Variants in SUN5 observed in about 807,000 individuals in gnomAD.
The protein encoded by SUN5 is SUN domain-containing protein 5.
A neutral mutation model predicts 53.7 loss-of-function variants in SUN5; 44 were observed. The observed-to-expected ratio is 0.82, with a 90% CI of 0.64 to 1.05. The LOEUF is 1.05. Ranked by LOEUF, SUN5 falls within the 50% of genes least tolerant of loss-of-function variation. The pLI, the probability that SUN5 is intolerant of heterozygous loss-of-function variation, is 0.00. For missense variants in SUN5, 433 were observed against 483.8 expected (o/e 0.90, Z 0.98); for synonymous variants, 166 against 179.8 (o/e 0.92, Z 0.62).
At chr20:32,985,071 C>G in intron 12 of SUN5, 28 bp downstream of exon 12, 1 of 1,609,324 alleles carries the variant, frequency 6.2e-7, no homozygotes, top group Non-Finnish European at 8.5e-7. Context: ...TCAGCAGGTG[C>G]TCAGCACAGG....
intron 8 of SUN5, 22 bp from the exon 9 acceptor site, chr20:32,989,720 G>C (rs1441915722): frequency 1.2e-6 from 2 of 1,604,882 alleles, no homozygotes; most frequent in Non-Finnish European, 1.7e-6. Context: ...GAAAACACAA[G>C]TTGTGCCCTG....
chr20:33,002,521 G>C, intron 3 of SUN5, 66 bp downstream of exon 3: 1 of 1,554,934 alleles, frequency 6.4e-7, no homozygotes, highest in Non-Finnish European at 8.9e-7. Flanking sequence ...GTCAGCCTGG[G>C]CCGAGGCTGG....
At chr20:33,000,313 C>T (rs1301885968) in intron 4 of SUN5, among the ~76,000 whole-genome samples, 178 bp from the exon 5 acceptor site, 1 of 152,230 alleles carries the variant, frequency 6.6e-6, no homozygotes, top group South Asian at 2.1e-4. Flanking sequence ...AAGACCTCCA[C>T]AGGCAATGCT....
chr20:32,985,459 A>G (rs1989510176), intron 11 of SUN5, among the ~76,000 whole-genome samples: 1 of 152,064 alleles, frequency 6.6e-6, no homozygotes, highest in Non-Finnish European at 1.5e-5. Context: ...CAGTTCAGAT[A>G]ACGCTTCGGA....
In SUN5 at chr20:32,997,624, G is replaced by A. The variant is rs373911434; in HGVS notation, c.390+14C>T. 15 of 1,613,674 alleles carry A rather than the reference G, an allele frequency of 9.3e-6. No homozygotes were observed. The African/African-American group carries it at 1.1e-4, about 11-fold the overall frequency. On this transcript the variant is annotated intron_variant, in intron 6 of 12. Coordinates refer to ENST00000356173, the MANE Select transcript of SUN5 (RefSeq NM_080675.4). ...ACCTGTCAGCTGTGGGGCCTGAGGA[G>A]GGTGCACACTCACCTGCCAGACTTT... is the stretch of plus-strand genomic sequence containing the variant.
intron 12 of SUN5, 57 bp downstream of exon 12, chr20:32,985,042 C>G: frequency 6.3e-7 from 1 of 1,576,518 alleles, no homozygotes; most frequent in African/African-American, 1.3e-5. Flanking sequence ...TCCCTGGGTA[C>G]AGACTGCACA....
At chr20:32,984,478 G>A (rs188374581) in intron 12 of SUN5, among the ~76,000 whole-genome samples, 4 of 152,254 alleles carry the variant, frequency 2.6e-5, no homozygotes, top group South Asian at 2.1e-4. Context: ...AAAGTGGGGC[G>A]GGCTTGGCCT....
At chr20:32,998,673 G>A (rs368358490) in intron 5 of SUN5, among the ~76,000 whole-genome samples, 20 of 151,970 alleles carry the variant, frequency 1.3e-4, no homozygotes, top group Non-Finnish European at 2.1e-4. Flanking sequence ...GCTTCCTCTT[G>A]CTAGTTCTAT....
intron 3 of SUN5, 71 bp from the exon 4 acceptor site, chr20:33,001,349 C>T (rs921000939): frequency 3.3e-6 from 5 of 1,524,972 alleles, no homozygotes; most frequent in East Asian, 4.9e-5. Context: ...ACCTGCTGAC[C>T]TTTCTGGGGC....
intron 8 of SUN5, among the ~76,000 whole-genome samples, chr20:32,991,201 G>T (rs941928153): frequency 2.0e-5 from 3 of 152,186 alleles, no homozygotes; most frequent in Admixed American, 6.5e-5. Context: ...CAGGTGCTGG[G>T]ACTGGCTTGA....
chr20:32,984,512 A>G (rs773068117), intron 12 of SUN5, among the ~76,000 whole-genome samples: 1 of 152,170 alleles, frequency 6.6e-6, no homozygotes, highest in Non-Finnish European at 1.5e-5. Flanking sequence ...TCAACCTCCC[A>G]GGGAATGACA....
intron 5 of SUN5, 106 bp downstream of exon 5, chr20:32,999,968 G>A (rs748162655): frequency 2.6e-6 from 4 of 1,557,700 alleles, no homozygotes; most frequent in African/African-American, 2.7e-5. Context: ...AGGCAGATGG[G>A]GAAACTGAGT....
At position 32,987,762 on chromosome 20, in the gene SUN5, G is replaced by A. The variant is rs1309066037; in HGVS notation, c.627C>T (p.Asp209=). 6.2e-7 allele frequency: 1 copy of A among 1,612,432 alleles called. No homozygotes were observed. Among genetic ancestry groups the A allele is most frequent in the Non-Finnish European group, 8.5e-7 (1 of 1,179,478 alleles). ...TATAGGTGACTGACGTGTGCTCAAA[G>A]TCAATGCTGGCCCCTGTATAGGAGA... The part of the protein sequence containing the change: ...FALKSIGASI[D]FEHTSVTYNH... The change falls in exon 10 of 13, where the codon GAC becomes GAT. Residue 209 remains aspartate (D), a synonymous_variant. Coordinates refer to ENST00000356173, the MANE Select transcript of SUN5 (RefSeq NM_080675.4).
rs372023672 is a variant in SUN5 at position 32,998,470 on chromosome 20, C to A, written c.341-783G>T. The stretch of plus-strand genomic sequence containing the variant: ...GTGACAGAGACTCTGTCTCAAAAAA[C>A]CCCAAAAACCAAAAAACAAAAACAG... On this transcript the variant is annotated intron_variant, in intron 5 of 12. Coordinates refer to ENST00000356173, the MANE Select transcript of SUN5 (RefSeq NM_080675.4). Among the ~76,000 whole-genome samples, 803 of 152,150 alleles carry A rather than the reference C, an allele frequency of 5.3e-3. 9 individuals carry two copies. Among genetic ancestry groups the A allele is most frequent in the African/African-American group, 0.018 (762 of 41,488 alleles).
chr20:32,991,029 C>T (rs1489074188), intron 8 of SUN5, among the ~76,000 whole-genome samples: 2 of 152,242 alleles, frequency 1.3e-5, no homozygotes, highest in East Asian at 1.9e-4. Flanking sequence ...TTACACAGCT[C>T]CAAAAGGCAA....
At chr20:32,991,604 A>G (rs1989712300) in intron 8 of SUN5, among the ~76,000 whole-genome samples, 1 of 152,200 alleles carries the variant, frequency 6.6e-6, no homozygotes, top group Non-Finnish European at 1.5e-5. Flanking sequence ...ACCTGCCAAG[A>G]GCCTCACTTG....
At chr20:32,992,475 C>G (rs1419767103) in intron 8 of SUN5, among the ~76,000 whole-genome samples, 3 of 152,164 alleles carry the variant, frequency 2.0e-5, no homozygotes, top group Admixed American at 2.0e-4. Flanking sequence ...GTGGACTTCT[C>G]TGTTCCCCAG....
chr20:33,003,234 C>A (rs908940208), intron 1 of SUN5, among the ~76,000 whole-genome samples: 1 of 152,142 alleles, frequency 6.6e-6, no homozygotes, highest in East Asian at 1.9e-4. Flanking sequence ...TCGAAGCCTG[C>A]TGTCGTGCTC....
rs571990320 is a variant in SUN5 at position 32,996,381 on chromosome 20, AG to A, written c.391-24del. 405 of 1,610,018 alleles carry A rather than the reference AG, an allele frequency of 2.5e-4. 2 individuals are homozygous for A. The African/African-American group carries it at 5.0e-3, about 20-fold the overall frequency. ...ATCCTGGTGGAGTATTGAGAAAGTA[AG>A]GGGTCTCCTTCAGATGGCTTAATCT... is the stretch of plus-strand genomic sequence containing the variant. On this transcript the variant is annotated intron_variant, in intron 6 of 12. Transcript: ENST00000356173.
Sources: gnomAD v4.1 joint callset for allele counts (sites outside exome capture counted in the v4.1 genomes callset) on GRCh38, gnomAD v4.1.1 for gene constraint, MANE v1.5 for transcripts, NCBI Gene and HGNC (gene_info 2026-07-23, HGNC 2026-07-21) for gene names.